The following MTUS2 variants were observed in gnomAD, a reference collection of about 807,000 sequenced individuals.
MTUS2 encodes the protein microtubule-associated tumor suppressor candidate 2.
A neutral mutation model predicts 114.1 loss-of-function variants in MTUS2; 40 were observed. That is an observed-to-expected ratio of 0.35 (90% CI 0.27 to 0.46). The LOEUF (loss-of-function observed/expected upper bound fraction) is 0.46, where lower values mean the gene tolerates loss of function less well. MTUS2 is among the 20% of genes least tolerant of loss of function. The pLI, the probability that MTUS2 is intolerant of heterozygous loss-of-function variation, is 1.00. For synonymous variants in MTUS2, 688 were observed against 672.0 expected (o/e 1.02, Z -0.37); for missense variants, 1,679 against 1,705.4 (o/e 0.98, Z 0.27).
chr13:29,000,585 C>A (rs1180024830), intron 2 of MTUS2, among the ~76,000 whole-genome samples: 1 of 152,130 alleles, frequency 6.6e-6, no homozygotes, highest in Non-Finnish European at 1.5e-5. Flanking sequence ...AGGCTGGTCT[C>A]AAACTCCTGA....
chr13:29,145,249 C>T (rs1006018360), intron 5 of MTUS2, among the ~76,000 whole-genome samples: 1 of 152,104 alleles, frequency 6.6e-6, no homozygotes, highest in Non-Finnish European at 1.5e-5. Flanking sequence ...AGTAAGGACA[C>T]AGTGGCTCAC....
intron 2 of MTUS2, among the ~76,000 whole-genome samples, chr13:28,870,780 G>C (rs1254531932): frequency 6.6e-6 from 1 of 152,126 alleles, no homozygotes; most frequent in Non-Finnish European, 1.5e-5. Flanking sequence ...TTTTCTGAGA[G>C]GAGAAAGTGG....
At chr13:28,828,041 G>A (rs1215392085) in intron 1 of MTUS2, among the ~76,000 whole-genome samples, 3 of 152,144 alleles carry the variant, frequency 2.0e-5, no homozygotes, top group Non-Finnish European at 2.9e-5. Context: ...GCCTGGGAGC[G>A]CTACGGGAGA....
chr13:29,158,358 C>CCCCCCCTTCTCTTTT, intron 5 of MTUS2, among the ~76,000 whole-genome samples: 1 of 32,048 alleles, frequency 3.1e-5, no homozygotes, highest in Non-Finnish European at 5.1e-5. Flanking sequence ...GTCCACCCCG[C>CCCCCCCTTCTCTTTT]TTTTTTTTTT....
At chr13:28,874,676 A>T (rs1442955728) in intron 2 of MTUS2, among the ~76,000 whole-genome samples, 1 of 152,172 alleles carries the variant, frequency 6.6e-6, no homozygotes, top group Non-Finnish European at 1.5e-5. Context: ...AGCTGCAATG[A>T]CGTAACATCA....
At chr13:29,112,188 A>G (rs1170660958) in intron 5 of MTUS2, among the ~76,000 whole-genome samples, 1 of 152,228 alleles carries the variant, frequency 6.6e-6, no homozygotes, top group Non-Finnish European at 1.5e-5. Context: ...GAGTGCATGC[A>G]GAATGAAATG....
At chr13:29,016,985 A>T (rs1458867282) in intron 2 of MTUS2, among the ~76,000 whole-genome samples, 5 of 152,246 alleles carry the variant, frequency 3.3e-5, no homozygotes, top group African/African-American at 1.2e-4. Flanking sequence ...GAGAATAAAC[A>T]TACCCAACAT....
intron 5 of MTUS2, among the ~76,000 whole-genome samples, chr13:29,246,207 G>A (rs1184646735): frequency 6.6e-6 from 1 of 152,208 alleles, no homozygotes; most frequent in Non-Finnish European, 1.5e-5. Flanking sequence ...TGGAAGTTCT[G>A]ACCCAGGGGG....
chr13:29,421,585 T>C (rs142964344), intron 8 of MTUS2, among the ~76,000 whole-genome samples: 448 of 152,314 alleles, frequency 2.9e-3, no homozygotes, highest in African/African-American at 9.5e-3. Flanking sequence ...GAAATGTTCA[T>C]AGAGACCTAT....
intron 7 of MTUS2, among the ~76,000 whole-genome samples, chr13:29,327,642 C>T (rs1900582601): frequency 1.3e-5 from 2 of 151,976 alleles, no homozygotes; most frequent in South Asian, 4.1e-4. Flanking sequence ...TTGGGGCTTT[C>T]CCCCCAGAAC....
intron 2 of MTUS2, among the ~76,000 whole-genome samples, chr13:28,975,803 T>C (rs2030692073): frequency 6.6e-6 from 1 of 152,204 alleles, no homozygotes; most frequent in Admixed American, 6.5e-5. Flanking sequence ...CAGCTTATTT[T>C]TTGCTTTCCA....
rs1404068226 is a variant in MTUS2 at position 29,148,580 on chromosome 13, G to A, written c.2644+47610G>A. On this transcript the variant is annotated intron_variant, in intron 5 of 15. Coordinates refer to ENST00000612955, the MANE Select transcript of MTUS2 (RefSeq NM_001033602.4). ...TGCAAGCTCCGCCTCCCGGGTTCACGCCATTCTCCTGCCTCAGCCTCCCAA... is the reference window on the plus strand; with the variant it reads ...TGCAAGCTCCGCCTCCCGGGTTCACACCATTCTCCTGCCTCAGCCTCCCAA... 8.9e-5 allele frequency among the ~76,000 whole-genome samples: 7 copies of A among 78,296 alleles called. 1 individual carries two copies. The highest frequency in any genetic ancestry group is 3.2e-4 in the Admixed American group (2 of 6,222). 51.4% of individuals were successfully genotyped at this position (78,296 alleles called of 152,430 possible). A position where few individuals can be genotyped will look rare whatever the true frequency, so the allele number is the denominator to read the frequency against.
intron 5 of MTUS2, among the ~76,000 whole-genome samples, chr13:29,145,236 ATGAG>A (rs1393200582): frequency 1.3e-5 from 2 of 152,208 alleles, no homozygotes; most frequent in African/African-American, 2.4e-5. Context: ...AAATTCATAA[ATGAG>A]TAAGGACACA....
At position 28,824,016 on chromosome 13, in the gene MTUS2, G is replaced by A. The variant is rs1049912943; in HGVS notation, c.-316+3405G>A. On this transcript the variant is annotated intron_variant, in intron 1 of 15. Transcript: ENST00000612955. Reference sequence around the variant, plus strand: ...ACCTAGTCCCTCTCATGACACATGGGGATTATGGGAATTATAATTCATGAT... The same window carrying A: ...ACCTAGTCCCTCTCATGACACATGGAGATTATGGGAATTATAATTCATGAT... Among the ~76,000 whole-genome samples, 3 of 152,096 alleles carry A rather than the reference G, an allele frequency of 2.0e-5. No homozygotes were observed. The South Asian group carries it at 6.2e-4, about 32-fold the overall frequency.
At chr13:28,850,295 C>G (rs1876180887) in intron 2 of MTUS2, among the ~76,000 whole-genome samples, 1 of 152,190 alleles carries the variant, frequency 6.6e-6, no homozygotes, top group African/African-American at 2.4e-5. Context: ...TGTATAGGGC[C>G]CCATCCCAGT....
chr13:29,148,042 A>G (rs1366056042), intron 5 of MTUS2, among the ~76,000 whole-genome samples: 1 of 152,198 alleles, frequency 6.6e-6, no homozygotes, highest in Non-Finnish European at 1.5e-5. Flanking sequence ...TGGCTGAATT[A>G]ATTTACATTC....
At chr13:28,941,090 A>G (rs1882208996) in intron 2 of MTUS2, among the ~76,000 whole-genome samples, 1 of 151,976 alleles carries the variant, frequency 6.6e-6, no homozygotes, top group East Asian at 1.9e-4. Flanking sequence ...ATTCAAAATC[A>G]TAGTTGTAGA....
At chr13:28,892,520 C>T (rs1032156826) in intron 2 of MTUS2, among the ~76,000 whole-genome samples, 1 of 152,094 alleles carries the variant, frequency 6.6e-6, no homozygotes, top group Non-Finnish European at 1.5e-5. Flanking sequence ...CTAATATTTA[C>T]CCACATTATT....
At chr13:29,282,594 T>A (rs1170354508) in intron 6 of MTUS2, among the ~76,000 whole-genome samples, 1 of 152,210 alleles carries the variant, frequency 6.6e-6, no homozygotes, top group Admixed American at 6.5e-5. Context: ...TTGTGTATCT[T>A]GTTCCTAGCT....
Sources: gnomAD v4.1 joint callset for allele counts (sites outside exome capture counted in the v4.1 genomes callset) on GRCh38, gnomAD v4.1.1 for gene constraint, MANE v1.5 for transcripts, NCBI Gene and HGNC (gene_info 2026-07-23, HGNC 2026-07-21) for gene names.